ANO2: variants seen among roughly 807,000 people sequenced by gnomAD.
The protein encoded by ANO2 is anoctamin 2.
A neutral mutation model predicts 124.2 loss-of-function variants in ANO2; 101 were observed. That is an observed-to-expected ratio of 0.81 (90% CI 0.69 to 0.96). ANO2 has a LOEUF of 0.96. Among genes scored for constraint, ANO2 ranks in the 40% least tolerant of loss-of-function variants. ANO2 has a pLI of 0.00. For missense variants in ANO2, 1,293 were observed against 1,274.5 expected (o/e 1.01, Z -0.22); for synonymous variants, 486 against 482.5 (o/e 1.01, Z -0.09).
At chr12:5,676,178 G>A (rs1390559541) in intron 14 of ANO2, among the ~76,000 whole-genome samples, 2 of 152,248 alleles carry the variant, frequency 1.3e-5, no homozygotes, top group African/African-American at 4.8e-5. Flanking sequence ...AGGGGAAGAT[G>A]TTCTCTGGGC....
chr12:5,872,878 G>T (rs1189270271), intron 3 of ANO2, among the ~76,000 whole-genome samples: 1 of 152,096 alleles, frequency 6.6e-6, no homozygotes, highest in Non-Finnish European at 1.5e-5. Context: ...CCACAGAAAG[G>T]AAAAATAACA....
At chr12:5,866,575 C>T (rs1255173904) in intron 3 of ANO2, among the ~76,000 whole-genome samples, 2 of 152,236 alleles carry the variant, frequency 1.3e-5, no homozygotes, top group Non-Finnish European at 2.9e-5. Flanking sequence ...TTGAGTTGTA[C>T]TTTGACCACT....
At chr12:5,930,893 C>T (rs1442647090) in intron 1 of ANO2, among the ~76,000 whole-genome samples, 1 of 152,158 alleles carries the variant, frequency 6.6e-6, no homozygotes, top group Non-Finnish European at 1.5e-5. Context: ...GCATATCCGC[C>T]TCCTGGGCTC....
rs924916724 is a variant in ANO2, at chr12:5,925,826, A to C, written c.23-3022T>G. Reference sequence around the variant, plus strand: ...TGGCTTACCCACGTCTGGGTTGAGGAGATGGATGTCGTAAGGCTGGGGCCT... The same window carrying C: ...TGGCTTACCCACGTCTGGGTTGAGGCGATGGATGTCGTAAGGCTGGGGCCT... On this transcript the variant is annotated intron_variant, in intron 1 of 24. Transcript: ENST00000682330. This position sits in a 1 kb window ranked among gnomAD's most constrained non-coding sequence, Gnocchi z 4.6. Among the ~76,000 whole-genome samples, 1 of 152,168 alleles carries C rather than the reference A, an allele frequency of 6.6e-6. No individual in the cohort carries two copies. Among genetic ancestry groups the C allele is most frequent in the African/African-American group, 2.4e-5 (1 of 41,446 alleles).
chr12:5,856,613 T>TC (rs1157722380), intron 3 of ANO2: 1 of 152,228 alleles, frequency 6.6e-6, no homozygotes, highest in East Asian at 1.9e-4. Context: ...GTCATTTTCT[T>TC]CCGTCCCCTT....
upstream of ANO2, chr12:5,945,345 T>A: frequency 1.1e-6 from 1 of 930,512 alleles, no homozygotes; most frequent in Non-Finnish European, 1.3e-6. Context: ...TGCCGCCTCC[T>A]CCTCCCCCAT....
intron 1 of ANO2, among the ~76,000 whole-genome samples, chr12:5,942,891 A>T (rs929536124): frequency 6.6e-6 from 1 of 152,244 alleles, no homozygotes; most frequent in African/African-American, 2.4e-5. Flanking sequence ...AGGGAAATGC[A>T]AATTAAAACC....
chr12:5,867,534 A>G (rs1955458285), intron 3 of ANO2, among the ~76,000 whole-genome samples: 1 of 152,180 alleles, frequency 6.6e-6, no homozygotes, highest in Admixed American at 6.5e-5. Flanking sequence ...GGCTCAGGTA[A>G]GTGAAGTTGA....
chr12:5,799,859 A>G (rs369496421), intron 9 of ANO2, among the ~76,000 whole-genome samples: 1 of 152,122 alleles, frequency 6.6e-6, no homozygotes, highest in African/African-American at 2.4e-5. Flanking sequence ...AATGAGCCCT[A>G]ATGTTCATGA....
chr12:5,730,652 T>C (rs184629083), intron 14 of ANO2, among the ~76,000 whole-genome samples: 8 of 152,322 alleles, frequency 5.3e-5, no homozygotes, highest in African/African-American at 1.9e-4. Flanking sequence ...GCGGTGGGTA[T>C]TGACTACAAC....
intron 7 of ANO2, among the ~76,000 whole-genome samples, chr12:5,815,668 A>G (rs1320292585): frequency 1.3e-5 from 2 of 152,212 alleles, no homozygotes; most frequent in Non-Finnish European, 2.9e-5. Flanking sequence ...GTTCAACTGT[A>G]GAAACTAGAA....
chr12:5,627,271 C>A (rs778852499), intron 16 of ANO2, among the ~76,000 whole-genome samples: 21 of 152,146 alleles, frequency 1.4e-4, no homozygotes, highest in Non-Finnish European at 2.5e-4. Flanking sequence ...CTGGCCAGAC[C>A]CTGGGAGGTT....
intron 20 of ANO2, among the ~76,000 whole-genome samples, chr12:5,595,022 C>T (rs915410691): frequency 1.3e-5 from 2 of 152,208 alleles, no homozygotes; most frequent in African/African-American, 4.8e-5. Context: ...CTCTTCAGAA[C>T]ATCCGTAGTT....
chr12:5,595,945 G>A (rs1328440320), intron 20 of ANO2, among the ~76,000 whole-genome samples: 1 of 151,980 alleles, frequency 6.6e-6, no homozygotes, highest in Non-Finnish European at 1.5e-5. Context: ...TCACTGAAAG[G>A]GTATTCTCAT....
rs936548660 is a variant in ANO2 at position 5,678,734 on chromosome 12, C to T, written c.1546-30933G>A. Among the ~76,000 whole-genome samples, 8 of 152,170 alleles carry T rather than the reference C, an allele frequency of 5.3e-5. 1 individual carries two copies. The highest frequency in any genetic ancestry group is 3.3e-4 in the Admixed American group (5 of 15,266). On this transcript the variant is annotated intron_variant, in intron 14 of 24. Coordinates refer to ENST00000682330, the MANE Select transcript of ANO2 (RefSeq NM_001364791.2). ...CTCCTTCTCCTGCCACTCTCTTTCACCTTCTCCTGATCAACATTTTTTATC... is the reference window on the plus strand; with the variant it reads ...CTCCTTCTCCTGCCACTCTCTTTCATCTTCTCCTGATCAACATTTTTTATC...
intron 4 of ANO2, among the ~76,000 whole-genome samples, chr12:5,834,148 C>T (rs77056358): frequency 0.016 from 2,376 of 152,256 alleles, 51 homozygotes; most frequent in African/African-American, 0.054. Context: ...GAATAATCAC[C>T]CAGCCCAGCT....
In ANO2 at chr12:5,599,567, G is replaced by A; in HGVS notation, c.2150C>T (p.Ala717Val). The A allele has an allele frequency of 3.7e-6, 6 of 1,613,860 alleles. No homozygotes were observed. Among genetic ancestry groups the A allele is most frequent in the Non-Finnish European group, 4.2e-6 (5 of 1,179,828 alleles). Reference protein sequence around the residue: ...DETEAGETDSAHSKHPEQWDL... With the variant: ...DETEAGETDSVHSKHPEQWDL... ...CCACTGCTCTGGATGTTTCGAATGG[G>A]CAGAGTCAGTTTCTCCAGCTTCGGT... Residue 717 changes from alanine (A) to valine (V), a missense_variant, in exon 20 of 25, where the codon GCC becomes GTC. Coordinates refer to ENST00000682330, the MANE Select transcript of ANO2 (RefSeq NM_001364791.2).
rs1039227249 is a variant in ANO2 at position 5,908,063 on chromosome 12, C to T, written c.534+12977G>A. 3.9e-5 allele frequency among the ~76,000 whole-genome samples: 6 copies of T among 152,228 alleles called. No homozygotes were observed. The highest frequency in any genetic ancestry group is 1.4e-4 in the African/African-American group (6 of 41,468). ...CAAACTCGTAACCACGCACGGGCAG[C>T]GTGTGCAGGGAGCCAGCAGCAAACC... On this transcript the variant is annotated intron_variant, in intron 3 of 24. Transcript: ENST00000682330. The surrounding 1 kb of genome is among the most constrained non-coding windows in gnomAD (Gnocchi z 4.7).
At chr12:5,839,674 C>G (rs1954449636) in intron 4 of ANO2, 1 of 455,048 alleles carries the variant, frequency 2.2e-6, no homozygotes, top group Admixed American at 2.4e-5. Flanking sequence ...TGATAACAAA[C>G]CCTTCCATGT....
Sources: allele counts gnomAD v4.1 joint callset (sites outside exome capture counted in the v4.1 genomes callset), GRCh38; gene constraint gnomAD v4.1.1; non-coding constraint Gnocchi (gnomAD v3.1); transcripts MANE v1.5; gene names NCBI Gene and HGNC (gene_info 2026-07-23, HGNC 2026-07-21).